Variants in WDTC1 observed in about 807,000 individuals in gnomAD.
The protein encoded by WDTC1 is WD and tetratricopeptide repeats 1, also known as WD and tetratricopeptide repeats protein 1.
In WDTC1, 12 loss-of-function variants were observed where a neutral mutation model predicts 76.0. That is an observed-to-expected ratio of 0.16 (90% confidence interval 0.10 to 0.26). The LOEUF is 0.26. WDTC1 is among the 10% of genes least tolerant of loss of function. The pLI is 1.00. For synonymous variants in WDTC1, 326 were observed against 350.8 expected, an observed-to-expected ratio of 0.93 and a Z score of 0.79; for missense variants, 511 against 908.8, an observed-to-expected ratio of 0.56 and a Z score of 5.63.
intron 6 of WDTC1, among the ~76,000 whole-genome samples, chr1:27,291,245 T>C (rs1220796500): frequency 2.6e-5 from 4 of 152,246 alleles, no homozygotes; most frequent in Admixed American, 6.5e-5. Flanking sequence ...TCTGTAGTTA[T>C]AATTGACCCA....
intron 1 of WDTC1, among the ~76,000 whole-genome samples, chr1:27,250,407 C>T (rs989357911): frequency 5.9e-5 from 9 of 152,168 alleles, no homozygotes; most frequent in Admixed American, 5.9e-4. Flanking sequence ...ACCTCAGCAT[C>T]CCAAAGTGCT....
chr1:27,247,182 G>T (rs565589973), intron 1 of WDTC1, among the ~76,000 whole-genome samples: 1 of 151,244 alleles, frequency 6.6e-6, no homozygotes, highest in Non-Finnish European at 1.5e-5. Context: ...TCAGCCTCTC[G>T]AGTAGCTGGG....
At chr1:27,287,555 A>T (rs1325256735) in intron 5 of WDTC1, 119 bp from the exon 6 acceptor site, 7 of 1,176,550 alleles carry the variant, frequency 5.9e-6, no homozygotes, top group Non-Finnish European at 7.1e-6. Context: ...CCCAGCCTGC[A>T]TGGGCTCATT....
chr1:27,296,495 C>A, intron 10 of WDTC1, 94 bp downstream of exon 10: 5 of 1,322,404 alleles, frequency 3.8e-6, no homozygotes, highest in Non-Finnish European at 4.3e-6. Context: ...TACTCTGGAC[C>A]GTGATCCTCC....
chr1:27,306,637 C>A lies in WDTC1; in HGVS notation c.*254C>A, dbSNP rs572417546. On this transcript the variant is annotated 3_prime_UTR_variant, in exon 16 of 16. Coordinates refer to ENST00000319394, the MANE Select transcript of WDTC1 (RefSeq NM_001276252.2). The surrounding 1 kb of genome is among the most constrained non-coding windows in gnomAD (Gnocchi z 5.0). The stretch of plus-strand genomic sequence containing the variant: ...GGGGACACCCCTCCATATGCCCCCC[C>A]CCATCTCCTGCTTTCATGTCCCTGG... 13 of 545,476 alleles carry A rather than the reference C, an allele frequency of 2.4e-5. No individual in the cohort carries two copies. Among genetic ancestry groups the A allele is most frequent in the South Asian group, 1.7e-4 (8 of 46,236 alleles). The allele number at this position is 545,476 out of a possible 1,614,324, so 33.8% of individuals were successfully genotyped here. A position where few individuals can be genotyped will look rare whatever the true frequency, so the allele number is the denominator to read the frequency against.
chr1:27,296,487 C>A, intron 10 of WDTC1, 86 bp downstream of exon 10: 1 of 1,414,164 alleles, frequency 7.1e-7, no homozygotes, highest in Non-Finnish European at 1.0e-6. Flanking sequence ...CTGCCCTTTA[C>A]TCTGGACCGT....
At chr1:27,269,910 TTTGTTGTTGTTGTTGTTGTTGTTG>T (rs151248965) in intron 3 of WDTC1, among the ~76,000 whole-genome samples, 9 of 146,598 alleles carry the variant, frequency 6.1e-5, no homozygotes, top group African/African-American at 2.3e-4. Context: ...ACGCCCGGCC[TTTGTTGTTGTTGTTGTTGTTGTTG>T]TTGTTGTTGT....
chr1:27,251,971 C>G (rs2012080229), intron 1 of WDTC1, among the ~76,000 whole-genome samples: 1 of 151,872 alleles, frequency 6.6e-6, no homozygotes, highest in African/African-American at 2.4e-5. Flanking sequence ...TTGCTTGAAC[C>G]CGGGAGGCAG....
chr1:27,239,659 C>CA (rs1392342677), intron 1 of WDTC1, among the ~76,000 whole-genome samples: 1 of 148,542 alleles, frequency 6.7e-6, no homozygotes, highest in Non-Finnish European at 1.5e-5. Flanking sequence ...ACTAAAAATA[C>CA]AAAAAATTAG....
At chr1:27,265,320 A>G (rs2012625631) in intron 3 of WDTC1, among the ~76,000 whole-genome samples, 1 of 152,172 alleles carries the variant, frequency 6.6e-6, no homozygotes, top group South Asian at 2.1e-4. Flanking sequence ...ATTAAACTAG[A>G]CATTAAAGAA....
rs947754436 is a variant in WDTC1 at position 27,278,998 on chromosome 1, G to A, written c.133-3241G>A. Among the ~76,000 whole-genome samples the A allele has an allele frequency of 1.2e-4, 19 of 152,182 alleles. 1 individual carries two copies. The highest frequency in any genetic ancestry group is 4.1e-4 in the South Asian group (2 of 4,832). ...AATTACTTGAACCTGGGAGGTGGAC[G>A]TTGCAGTGAGCTGAGATTGCGCCAC... On this transcript the variant is annotated intron_variant, in intron 3 of 15. Coordinates refer to ENST00000319394, the MANE Select transcript of WDTC1 (RefSeq NM_001276252.2).
intron 1 of WDTC1, among the ~76,000 whole-genome samples, chr1:27,241,274 T>C (rs1000429174): frequency 6.6e-6 from 1 of 152,122 alleles, no homozygotes; most frequent in Non-Finnish European, 1.5e-5. Context: ...GAGAACAGGA[T>C]CAGACCTTGC....
At chr1:27,270,503 GCTAA>G (rs893010041) in intron 3 of WDTC1, among the ~76,000 whole-genome samples, 1 of 152,114 alleles carries the variant, frequency 6.6e-6, no homozygotes, top group Non-Finnish European at 1.5e-5. Flanking sequence ...GACCAGCCTG[GCTAA>G]CACGGTGAAA....
At chr1:27,243,089 G>T (rs1570935425) in intron 1 of WDTC1, among the ~76,000 whole-genome samples, 1 of 151,952 alleles carries the variant, frequency 6.6e-6, no homozygotes, top group Non-Finnish European at 1.5e-5. Context: ...GATCAGCAGA[G>T]TCAAGGCAGC....
At chr1:27,255,035 T>C (rs1449976414) in intron 1 of WDTC1, among the ~76,000 whole-genome samples, 1 of 151,992 alleles carries the variant, frequency 6.6e-6, no homozygotes, top group Admixed American at 6.6e-5. Flanking sequence ...GTTTCTCTTT[T>C]CCCCCCATTT....
At chr1:27,247,696 G>A (rs981922286) in intron 1 of WDTC1, among the ~76,000 whole-genome samples, 2 of 150,204 alleles carry the variant, frequency 1.3e-5, no homozygotes, top group Non-Finnish European at 3.0e-5. Context: ...TGGTGTACAT[G>A]TACCACATTT....
At chr1:27,241,057 G>A (rs1386799704) in intron 1 of WDTC1, among the ~76,000 whole-genome samples, 5 of 152,036 alleles carry the variant, frequency 3.3e-5, no homozygotes, top group African/African-American at 1.2e-4. Flanking sequence ...CAGTGTCAGA[G>A]GCCCTGTGCA....
At chr1:27,235,249 C>T (rs967172311) in intron 1 of WDTC1, among the ~76,000 whole-genome samples, 7 of 152,100 alleles carry the variant, frequency 4.6e-5, no homozygotes, top group Admixed American at 1.3e-4. Context: ...CATCATGGGA[C>T]TTTTTTGCGG....
chr1:27,239,517 CAAAAAAAA>C (rs1165446864), intron 1 of WDTC1, among the ~76,000 whole-genome samples: 58 of 40,586 alleles, frequency 1.4e-3, no homozygotes, highest in Non-Finnish European at 2.3e-3. Flanking sequence ...GACCCTGTCT[CAAAAAAAA>C]AAAAAAAAAA....
Sources: allele counts gnomAD v4.1 joint callset (sites outside exome capture counted in the v4.1 genomes callset), GRCh38; gene constraint gnomAD v4.1.1; non-coding constraint Gnocchi (gnomAD v3.1); transcripts MANE v1.5; gene names NCBI Gene and HGNC (gene_info 2026-07-23, HGNC 2026-07-21).